The following GRIK3 variants were observed in gnomAD, a reference collection of about 807,000 sequenced individuals.
GRIK3 encodes glutamate ionotropic receptor kainate type subunit 3, also known as glutamate receptor ionotropic, kainate 3.
In GRIK3, 29 loss-of-function variants were observed where a neutral mutation model predicts 102.5. The ratio of observed to expected loss-of-function variants is 0.28; its 90% confidence interval spans 0.21 to 0.39. The LOEUF (loss-of-function observed/expected upper bound fraction) is 0.39. Ranked by LOEUF, GRIK3 falls within the 10% of genes least tolerant of loss-of-function variation. The pLI, the probability that GRIK3 is intolerant of heterozygous loss-of-function variation, is 1.00. For missense variants in GRIK3, 908 were observed against 1,252.4 expected, an observed-to-expected ratio of 0.73 and a Z score of 4.15; for synonymous variants, 511 against 504.9, an observed-to-expected ratio of 1.01 and a Z score of -0.16.
At position 36,853,619 on chromosome 1, in the gene GRIK3, T is replaced by C; in HGVS notation, c.1208A>G (p.Glu403Gly). Residue 403 changes from glutamate to glycine, a missense_variant, in exon 8 of 16, where the codon GAG (glutamate) becomes GGG (glycine). Glu to Gly is a moderately conservative substitution (Grantham distance 98). Coordinates refer to ENST00000373091, the MANE Select transcript of GRIK3 (RefSeq NM_000831.4). ...DIISLKEDGL[E>G]KVGVWSPADG... ...CCCTCTCCTGAGACCACGCACCTTC[T>C]CCAGGCCATCCTCTTTCAGGCTGAT... 3 of 1,607,416 alleles carry C rather than the reference T, an allele frequency of 1.9e-6. No homozygotes were observed. The highest frequency in any genetic ancestry group is 2.6e-6 in the Non-Finnish European group (3 of 1,174,156).
intron 1 of GRIK3, among the ~76,000 whole-genome samples, chr1:36,943,681 C>T (rs550795528): frequency 8.5e-5 from 13 of 152,262 alleles, no homozygotes; most frequent in African/African-American, 2.4e-4. Context: ...AGAAAATGAA[C>T]GAATAGTAGC....
intron 1 of GRIK3, among the ~76,000 whole-genome samples, chr1:36,937,282 G>A (rs1641669903): frequency 6.6e-6 from 1 of 152,174 alleles, no homozygotes; most frequent in Non-Finnish European, 1.5e-5. Flanking sequence ...TGAACAACAA[G>A]CCCGGTGTGA....
intron 1 of GRIK3, among the ~76,000 whole-genome samples, chr1:36,984,865 G>A (rs1247607596): frequency 6.6e-6 from 1 of 152,210 alleles, no homozygotes; most frequent in Non-Finnish European, 1.5e-5. Flanking sequence ...GGCCTCAGGG[G>A]TGTCTCAGGC....
intron 1 of GRIK3, among the ~76,000 whole-genome samples, chr1:36,931,954 T>C (rs559935664): frequency 6.6e-6 from 1 of 152,278 alleles, no homozygotes; most frequent in East Asian, 1.9e-4. Flanking sequence ...CAGCTCTGCA[T>C]CAACTCTTTA....
intron 13 of GRIK3, among the ~76,000 whole-genome samples, chr1:36,812,032 T>A (rs537912341): frequency 2.2e-4 from 34 of 152,220 alleles, no homozygotes; most frequent in African/African-American, 8.2e-4. Context: ...GGCATTACAT[T>A]TTGGTCCCCC....
At chr1:36,887,719 G>A (rs982673788) in intron 2 of GRIK3, among the ~76,000 whole-genome samples, 14 of 146,408 alleles carry the variant, frequency 9.6e-5, no homozygotes, top group Admixed American at 2.0e-4. Context: ...TGGCACCACT[G>A]CACTCCAGCC....
intron 1 of GRIK3, among the ~76,000 whole-genome samples, chr1:37,005,331 G>A (rs1261078610): frequency 1.3e-5 from 2 of 152,188 alleles, no homozygotes; most frequent in Admixed American, 6.5e-5. Flanking sequence ...TGGCCTCCTG[G>A]GCAGCTCCAG....
At chr1:36,919,434 A>C (rs1231110605) in intron 1 of GRIK3, among the ~76,000 whole-genome samples, 1 of 151,752 alleles carries the variant, frequency 6.6e-6, no homozygotes, top group African/African-American at 2.4e-5. Context: ...GGTTAGTTAC[A>C]TATGTATACA....
At chr1:36,820,494 C>T (rs1642683780) in intron 11 of GRIK3, among the ~76,000 whole-genome samples, 1 of 152,102 alleles carries the variant, frequency 6.6e-6, no homozygotes, top group Non-Finnish European at 1.5e-5. Context: ...ACTAAAGGGT[C>T]TGAAAGGGTC....
Position 36,829,445 on chromosome 1 carries a change from A to G in GRIK3, c.1531-3619T>C, listed in dbSNP as rs528514713. ...TTAACAGAAGGAAACTGAGGCTCGG[A>G]GAGAAGCTCCTTGGTCTTTGCTATA... On this transcript the variant is annotated intron_variant, in intron 10 of 15. Coordinates refer to ENST00000373091, the MANE Select transcript of GRIK3 (RefSeq NM_000831.4). Among the ~76,000 whole-genome samples, 17 of 151,730 alleles carry G rather than the reference A, an allele frequency of 1.1e-4. No homozygotes were observed. The East Asian group carries it at 3.3e-3, about 29-fold the overall frequency.
chr1:37,011,169 G>A (rs963667081), intron 1 of GRIK3, among the ~76,000 whole-genome samples: 4 of 152,170 alleles, frequency 2.6e-5, no homozygotes, highest in Admixed American at 6.5e-5. Flanking sequence ...GGGTGGCCAC[G>A]TTTAAATCTC....
intron 1 of GRIK3, among the ~76,000 whole-genome samples, chr1:36,981,312 G>A (rs573064147): frequency 1.1e-4 from 16 of 152,336 alleles, no homozygotes; most frequent in African/African-American, 3.8e-4. Context: ...CCACAGGGCT[G>A]GGCTGGGCCT....
At chr1:36,990,035 A>G (rs1029685478) in intron 1 of GRIK3, among the ~76,000 whole-genome samples, 2 of 152,166 alleles carry the variant, frequency 1.3e-5, no homozygotes, top group South Asian at 4.1e-4. Flanking sequence ...AGCAGGGATC[A>G]AGTGGGGCGG....
chr1:36,886,087 G>A lies in GRIK3; in HGVS notation c.292+4833C>T, dbSNP rs533045742. Among the ~76,000 whole-genome samples the A allele has an allele frequency of 2.6e-5, 4 of 152,290 alleles. No individual in the cohort carries two copies. In the South Asian group the frequency reaches 6.2e-4, roughly 24 times the overall value. ...GGAAGAAAACACAGACACTCTCTGC[G>A]CTGCTGCTGCCTCTGGCGCTGCCTG... On this transcript the variant is annotated intron_variant, in intron 2 of 15. Transcript: ENST00000373091.
intron 1 of GRIK3, among the ~76,000 whole-genome samples, chr1:36,899,329 G>C (rs540345944): frequency 1.3e-5 from 2 of 152,230 alleles, no homozygotes; most frequent in South Asian, 4.1e-4. Context: ...TTAATATCCA[G>C]AACAATATCC....
In GRIK3 at chr1:36,992,740, C is replaced by T. The variant is rs535882458; in HGVS notation, c.115+41254G>A. Among the ~76,000 whole-genome samples, 5 of 152,322 alleles carry T rather than the reference C, an allele frequency of 3.3e-5. No homozygotes were observed. The South Asian group carries it at 1.0e-3, about 32-fold the overall frequency. ...ATAGCTCACATTTATGGAGTGCTGA[C>T]TCAGCATCCTAAGCGGCTTCCATGC... On this transcript the variant is annotated intron_variant, in intron 1 of 15. Transcript: ENST00000373091.
intron 1 of GRIK3, among the ~76,000 whole-genome samples, chr1:36,975,475 T>C (rs1475097218): frequency 6.6e-6 from 1 of 152,120 alleles, no homozygotes; most frequent in South Asian, 2.1e-4. Flanking sequence ...TTTGTATTTT[T>C]AGTAGAGACA....
intron 2 of GRIK3, among the ~76,000 whole-genome samples, chr1:36,885,968 T>C (rs1035920436): frequency 6.6e-6 from 1 of 152,154 alleles, no homozygotes; most frequent in African/African-American, 2.4e-5. Context: ...AATCAATTTG[T>C]GTCTTAAAAG....
chr1:36,984,454 G>T (rs1254365534), intron 1 of GRIK3, among the ~76,000 whole-genome samples: 3 of 152,246 alleles, frequency 2.0e-5, no homozygotes, highest in Non-Finnish European at 4.4e-5. Context: ...CCCAGAAAGT[G>T]ACCATCTTAG....
Sources: gnomAD v4.1 joint callset for allele counts (sites outside exome capture counted in the v4.1 genomes callset) on GRCh38, gnomAD v4.1.1 for gene constraint, MANE v1.5 for transcripts, NCBI Gene and HGNC (gene_info 2026-07-23, HGNC 2026-07-21) for gene names.